The following TINF2 variants were observed in gnomAD, a reference collection of about 807,000 sequenced individuals.
TINF2 encodes the protein TERF1 interacting nuclear factor 2.
TINF2 carries 27 observed loss-of-function variants against 50.4 expected under a neutral mutation model. That is an observed-to-expected ratio of 0.54 (90% CI 0.40 to 0.74). TINF2 has a LOEUF of 0.74. Ranked by LOEUF, TINF2 falls within the 30% of genes least tolerant of loss-of-function variation. The pLI, the probability that TINF2 is intolerant of heterozygous loss-of-function variation, is 0.00. For missense variants in TINF2, 496 were observed against 551.5 expected (o/e 0.90, Z 1.01); for synonymous variants, 223 against 214.6 (o/e 1.04, Z -0.34).
chr14:24,242,501 T>C lies in TINF2; in HGVS notation c.-169A>G. 1.4e-6 allele frequency: 2 copies of C among 1,430,302 alleles called. No homozygotes were observed. The highest frequency in any genetic ancestry group is 1.8e-6 in the Non-Finnish European group (2 of 1,097,990). The allele number at this position is 1,430,302 out of a possible 1,614,324, so 88.6% of individuals were successfully genotyped here. On this transcript the variant is annotated 5_prime_UTR_variant, in exon 1 of 9. Coordinates refer to ENST00000267415, the MANE Select transcript of TINF2 (RefSeq NM_001099274.3). The stretch of plus-strand genomic sequence containing the variant: ...GGCTCCCTTCCATCGGCCCCCAGAA[T>C]TCTGGGGGAGGGGGTCTTCTGGCTC...
chr14:24,241,972 T>C lies in TINF2; in HGVS notation c.215A>G (p.Gln72Arg). 6.2e-7 allele frequency: 1 copy of C among 1,614,224 alleles called. No homozygotes were observed. Among genetic ancestry groups the C allele is most frequent in the Non-Finnish European group, 8.5e-7 (1 of 1,180,038 alleles). Residue 72 changes from glutamine (Q) to arginine (R), a missense_variant, in exon 2 of 9, where the codon CAG (glutamine) becomes CGG (arginine). Around this residue, in one of 3 missense-constraint regions of TINF2, gnomAD observed 314 missense variants for 343.8 expected, o/e 0.91. Coordinates refer to ENST00000267415, the MANE Select transcript of TINF2 (RefSeq NM_001099274.3). ...CAGGACTTGGGCCCAAGGCCGGCCC[T>C]GCAGGATCAGCTCCACCACCACCTG... ...KAKVVVELIL[Q>R]GRPWAQVLKA...
At chr14:24,240,177 C>CA in intron 7 of TINF2, 22 bp from the exon 8 acceptor site, 1 of 1,614,048 alleles carries the variant, frequency 6.2e-7, no homozygotes, top group Non-Finnish European at 8.5e-7. Flanking sequence ...AAACCAGAAT[C>CA]AAACTACTAC....
chr14:24,242,196 G>C lies in TINF2; in HGVS notation c.137C>G (p.Pro46Arg). ...GTGGTGCCGGTAGCGAACCAAGCCA[G>C]GGGCAACAGCGCGCAGAGATCGCAG... is the stretch of plus-strand genomic sequence containing the variant. The part of the protein sequence containing the change: ...EFLRSLRAVA[P>R]GLVRYRHHER... The change falls in exon 1 of 9, where the codon CCT becomes CGT. Residue 46 changes from proline to arginine, a missense_variant. By Grantham distance (103) the Pro-to-Arg change is moderately radical. Transcript: ENST00000267415. 1 of 1,614,272 alleles carries C rather than the reference G, an allele frequency of 6.2e-7. No homozygotes were observed. The highest frequency in any genetic ancestry group is 8.5e-7 in the Non-Finnish European group (1 of 1,180,042).
Position 24,240,450 on chromosome 14 carries a change from G to A in TINF2, c.1030C>T (p.Pro344Ser), listed in dbSNP as rs200454893. ...TLGGRALKENPVDLPATEQKE... is the reference protein window; with the variant it reads ...TLGGRALKENSVDLPATEQKE... ...TGCTCTGTGGCAGGCAAGTCAACTG[G>A]GTTCTCCTTCAGAGCCCTTCCCCCC... The change falls in exon 6 of 9, where the codon CCA (proline) becomes TCA (serine). Residue 344 changes from proline to serine, a missense_variant. Around this residue, in one of 3 missense-constraint regions of TINF2, gnomAD observed 179 missense variants for 188.3 expected, o/e 0.95. Transcript: ENST00000267415. The A allele has an allele frequency of 4.0e-5, 64 of 1,614,006 alleles. 1 individual carries two copies. The African/African-American group carries it at 6.4e-4, about 16-fold the overall frequency.
rs1288705714 is a variant in TINF2 at position 24,240,660 on chromosome 14, A to G, written c.820T>C (p.Ser274Pro). ...GRRRVQSQWA[S>P]TRGGHKERPT... ...CGCTCCTTATGGCCTCCCCTAGTGG[A>G]GGCCCATTGGGACTGAACTCTTCGT... The change falls in exon 6 of 9, where the codon TCC (serine) becomes CCC (proline). Residue 274 changes from serine to proline, a missense_variant. Ser to Pro is a moderately conservative substitution (Grantham distance 74, BLOSUM62 -1). Transcript: ENST00000267415. 6.2e-7 allele frequency: 1 copy of G among 1,614,140 alleles called. No homozygotes were observed. Among genetic ancestry groups the G allele is most frequent in the Non-Finnish European group, 8.5e-7 (1 of 1,180,022 alleles).
At chr14:24,241,447 T>C (rs2040577322) in intron 3 of TINF2, 136 bp from the exon 4 acceptor site, 2 of 896,000 alleles carry the variant, frequency 2.2e-6, no homozygotes, top group East Asian at 2.5e-5. Flanking sequence ...CTGGCCAACA[T>C]GGTGAAACCC....
Position 24,241,128 on chromosome 14 carries a change from G to A in TINF2, c.508-12C>T, listed in dbSNP as rs1173667689. ...AGCACATCCTGAAGCTGTGGGCAGG[G>A]ACAGAGGTATGAAGACCACAATCCT... On this transcript the variant is annotated splice_polypyrimidine_tract_variant and intron_variant, in intron 4 of 8. Transcript: ENST00000267415. 2 of 1,614,178 alleles carry A rather than the reference G, an allele frequency of 1.2e-6. No individual in the cohort carries two copies. Among genetic ancestry groups the A allele is most frequent in the South Asian group, 1.1e-5 (1 of 91,080 alleles).
At position 24,241,989 on chromosome 14, in the gene TINF2, C is replaced by G; in HGVS notation, c.198G>C (p.Val66=). The change falls in exon 2 of 9, where the codon GTG becomes GTC. Residue 66 remains valine (V), a synonymous_variant. Transcript: ENST00000267415. The part of the protein sequence containing the change: ...RLCMGLKAKV[V]VELILQGRPW... ...GCCGGCCCTGCAGGATCAGCTCCAC[C>G]ACCACCTGTACGGTACTGAATTCAG... The G allele has an allele frequency of 6.2e-7, 1 of 1,614,254 alleles. No homozygotes were observed. The highest frequency in any genetic ancestry group is 1.1e-5 in the South Asian group (1 of 91,090).
At position 24,242,528 on chromosome 14, in the gene TINF2, G is replaced by T; in HGVS notation, c.-196C>A. 7.0e-7 allele frequency: 1 copy of T among 1,424,828 alleles called. No homozygotes were observed. The highest frequency in any genetic ancestry group is 9.1e-7 in the Non-Finnish European group (1 of 1,094,640). 88.3% of individuals were successfully genotyped at this position (1,424,828 alleles called of 1,614,324 possible). On this transcript the variant is annotated 5_prime_UTR_variant, in exon 1 of 9. Coordinates refer to ENST00000267415, the MANE Select transcript of TINF2 (RefSeq NM_001099274.3). The stretch of plus-strand genomic sequence containing the variant: ...CTGGGGGAGGGGGTCTTCTGGCTCG[G>T]GCTGGAGGAGCCTGAGTGGAGAAGC...
In TINF2 at chr14:24,240,112, G is replaced by A. The variant is rs1273150956; in HGVS notation, c.1173C>T (p.Asp391=). 9 of 1,613,738 alleles carry A rather than the reference G, an allele frequency of 5.6e-6. No individual in the cohort carries two copies. Among genetic ancestry groups the A allele is most frequent in the South Asian group, 2.2e-5 (2 of 91,046 alleles). Residue 391 remains aspartate, a synonymous_variant, in exon 8 of 9, where the codon GAC becomes GAT. Coordinates refer to ENST00000267415, the MANE Select transcript of TINF2 (RefSeq NM_001099274.3). ...SLCSSVITIG[D]LVLDSDEEEN... is the part of the protein sequence containing the mutation. ...CTTCCTCATCAGAGTCTAAAACCAA[G>A]TCCCCTATGGTAATGACGGAGCTGC...
At position 24,242,440 on chromosome 14, in the gene TINF2, C is replaced by T. The variant is rs1373051299; in HGVS notation, c.-108G>A. Reference sequence around the variant, plus strand: ...GGCTTCTGGCAACTCCCTGTCGCTCCGGTCTGTCGGCTCTGGGTACCTCGC... The same window carrying T: ...GGCTTCTGGCAACTCCCTGTCGCTCTGGTCTGTCGGCTCTGGGTACCTCGC... On this transcript the variant is annotated 5_prime_UTR_variant, in exon 1 of 9. Coordinates refer to ENST00000267415, the MANE Select transcript of TINF2 (RefSeq NM_001099274.3). The T allele has an allele frequency of 2.7e-6, 4 of 1,461,744 alleles. No individual in the cohort carries two copies. The highest frequency in any genetic ancestry group is 3.6e-6 in the Non-Finnish European group (4 of 1,114,204). The allele number at this position is 1,461,744 out of a possible 1,614,324, so 90.5% of individuals were successfully genotyped here. A position where few individuals can be genotyped will look rare whatever the true frequency, so the allele number is the denominator to read the frequency against.
chr14:24,240,544 G>A lies in TINF2; in HGVS notation c.936C>T (p.Tyr312=). ...TTGTGCCCATGGCTAGGTCTGCTGT[G>A]TATATCGCATGTTCTTCCTTGCTCT... The part of the protein sequence containing the change: ...KPESKEEHAI[Y]TADLAMGTRA... The change falls in exon 6 of 9, where the codon TAC becomes TAT. Residue 312 remains tyrosine, a synonymous_variant. Coordinates refer to ENST00000267415, the MANE Select transcript of TINF2 (RefSeq NM_001099274.3). 6.2e-7 allele frequency: 1 copy of A among 1,614,176 alleles called. No individual in the cohort carries two copies. Among genetic ancestry groups the A allele is most frequent in the Non-Finnish European group, 8.5e-7 (1 of 1,180,028 alleles).
Position 24,241,933 on chromosome 14 carries a change from T to C in TINF2, c.254A>G (p.His85Arg). 3.1e-6 allele frequency: 5 copies of C among 1,614,142 alleles called. No homozygotes were observed. Among genetic ancestry groups the C allele is most frequent in the Non-Finnish European group, 3.4e-6 (4 of 1,180,026 alleles). The change falls in exon 2 of 9, where the codon CAC becomes CGC. Residue 85 changes from histidine (H) to arginine (R), a missense_variant. His to Arg is a conservative substitution (Grantham distance 29, BLOSUM62 0). This residue lies in a region of TINF2 where 314 missense variants were observed against 343.8 expected (regional missense o/e 0.91). Transcript: ENST00000267415. ...TATAGGTCCAGATTCTGGAAAGTGG[T>C]GATTCAGGGCTTTCAGGACTTGGGC... Reference protein sequence around the residue: ...PWAQVLKALNHHFPESGPIVR... With the variant: ...PWAQVLKALNRHFPESGPIVR...
In TINF2 at chr14:24,240,249, C is replaced by G; in HGVS notation, c.1129+14G>C. ...GAGGAGGCTGTTGATCCAATCCTGA[C>G]TCAGACTACCTACCTGGCTTCCTGG... is the stretch of plus-strand genomic sequence containing the variant. On this transcript the variant is annotated intron_variant, in intron 7 of 8. Coordinates refer to ENST00000267415, the MANE Select transcript of TINF2 (RefSeq NM_001099274.3). 1 of 1,614,044 alleles carries G rather than the reference C, an allele frequency of 6.2e-7. No individual in the cohort carries two copies. The highest frequency in any genetic ancestry group is 8.5e-7 in the Non-Finnish European group (1 of 1,180,022).
rs58372573 is a variant in TINF2, at chr14:24,241,328, T to TAGG, written c.400-20_400-18dup. ...TTCAAGTTCCTACAGCAGGGGAGAT[T>TAGG]AGGTCAAAAGTGGGTTAGTGGCCAG... On this transcript the variant is annotated splice_polypyrimidine_tract_variant and intron_variant, in intron 3 of 8. Transcript: ENST00000267415. The TAGG allele has an allele frequency of 0.011, 18,243 of 1,613,638 alleles. 1,677 individuals carry two copies. In the African/African-American group the frequency reaches 0.21, roughly 18 times the overall value.
intron 1 of TINF2, 40 bp downstream of exon 1, chr14:24,242,099 CCT>C: frequency 6.2e-7 from 1 of 1,614,172 alleles, no homozygotes; most frequent in Non-Finnish European, 8.5e-7. Context: ...GCATCCCGCC[CCT>C]TTCTTTCTTT....
chr14:24,240,022 C>T, intron 8 of TINF2, 42 bp downstream of exon 8: 1 of 1,614,196 alleles, frequency 6.2e-7, no homozygotes. Context: ...CAGTCTTGTT[C>T]TACCCATCCC....
In TINF2 at chr14:24,242,454, T is replaced by C. The variant is rs569943579; in HGVS notation, c.-122A>G. On this transcript the variant is annotated 5_prime_UTR_variant, in exon 1 of 9. Coordinates refer to ENST00000267415, the MANE Select transcript of TINF2 (RefSeq NM_001099274.3). ...CCCTGTCGCTCCGGTCTGTCGGCTCTGGGTACCTCGCGATCTGACTCGGCT... is the reference window on the plus strand; with the variant it reads ...CCCTGTCGCTCCGGTCTGTCGGCTCCGGGTACCTCGCGATCTGACTCGGCT... 6.9e-7 allele frequency: 1 copy of C among 1,449,204 alleles called. No homozygotes were observed. Among genetic ancestry groups the C allele is most frequent in the African/African-American group, 1.4e-5 (1 of 69,868 alleles). 89.8% of individuals were successfully genotyped at this position (1,449,204 alleles called of 1,614,324 possible).
rs199682439 is a variant in TINF2 at position 24,241,877 on chromosome 14, G to A, written c.297+13C>T. The A allele has an allele frequency of 3.3e-5, 53 of 1,614,118 alleles. No individual in the cohort carries two copies. The East Asian group carries it at 1.1e-3, about 33-fold the overall frequency. The stretch of plus-strand genomic sequence containing the variant: ...TGTAACTGGGGTCAGGGCTTGTTCC[G>A]GGGATTACTCACAGCCTTGGGATCC... On this transcript the variant is annotated intron_variant, in intron 2 of 8. Coordinates refer to ENST00000267415, the MANE Select transcript of TINF2 (RefSeq NM_001099274.3).
Sources: allele counts gnomAD v4.1 joint callset, GRCh38; gene constraint gnomAD v4.1.1; regional missense constraint gnomAD v4.1.1; transcripts MANE v1.5; gene names NCBI Gene and HGNC (gene_info 2026-07-23, HGNC 2026-07-21).